Variants in PARD3B observed in about 807,000 individuals in gnomAD.
The protein encoded by PARD3B is par-3 family cell polarity regulator beta, also known as partitioning defective 3 homolog B.
PARD3B carries 103 observed loss-of-function variants against 130.2 expected under a neutral mutation model. That is an observed-to-expected ratio of 0.79 (90% CI 0.67 to 0.93). The LOEUF is 0.93. PARD3B is among the 40% of genes least tolerant of loss of function. The pLI is 0.00. For synonymous variants in PARD3B, 583 were observed against 553.2 expected, an observed-to-expected ratio of 1.05 and a Z score of -0.76; for missense variants, 1,609 against 1,499.2, an observed-to-expected ratio of 1.07 and a Z score of -1.21.
chr2:205,527,943 C>A, intron 21 of PARD3B, among the ~76,000 whole-genome samples: 1 of 152,140 alleles, frequency 6.6e-6, no homozygotes, highest in East Asian at 1.9e-4. Context: ...CATGATGCAT[C>A]AGAGATGGAT....
intron 2 of PARD3B, among the ~76,000 whole-genome samples, chr2:204,931,260 C>G (rs1688009878): frequency 1.3e-5 from 2 of 152,100 alleles, no homozygotes. Flanking sequence ...AATTTCTTCA[C>G]CATTTTAAGG....
chr2:205,552,314 G>GT (rs202064144), intron 21 of PARD3B, among the ~76,000 whole-genome samples: 89 of 117,898 alleles, frequency 7.5e-4, no homozygotes, highest in Admixed American at 3.0e-3. Context: ...GGTGGTCGGG[G>GT]GGCATCATGG....
At chr2:205,559,163 G>A (rs1033008760) in intron 22 of PARD3B, among the ~76,000 whole-genome samples, 19 of 152,152 alleles carry the variant, frequency 1.2e-4, no homozygotes, top group African/African-American at 4.6e-4. Context: ...AAGTGTTGCT[G>A]GATGGTCTGA....
chr2:204,619,360 C>G (rs894771562), intron 1 of PARD3B, among the ~76,000 whole-genome samples: 1 of 152,168 alleles, frequency 6.6e-6, no homozygotes, highest in African/African-American at 2.4e-5. Context: ...GCATACAGAG[C>G]TGTTCTTTCC....
At chr2:205,094,533 C>A (rs998822479) in intron 4 of PARD3B, among the ~76,000 whole-genome samples, 1 of 151,830 alleles carries the variant, frequency 6.6e-6, no homozygotes, top group African/African-American at 2.4e-5. Context: ...TCTAAATGTA[C>A]TACCAAACTA....
chr2:205,583,560 G>A (rs747419772), intron 22 of PARD3B, among the ~76,000 whole-genome samples: 1 of 152,156 alleles, frequency 6.6e-6, no homozygotes, highest in East Asian at 1.9e-4. Context: ...TTCTAAGCAT[G>A]TTATGTGTAT....
chr2:205,432,074 G>A (rs1363734453), intron 19 of PARD3B, among the ~76,000 whole-genome samples: 2 of 152,106 alleles, frequency 1.3e-5, no homozygotes, highest in African/African-American at 4.8e-5. Flanking sequence ...GGGCTCTTGT[G>A]TGTTGCAAAC....
intron 21 of PARD3B, among the ~76,000 whole-genome samples, chr2:205,520,263 G>T (rs978986860): frequency 6.6e-6 from 1 of 152,200 alleles, no homozygotes; most frequent in African/African-American, 2.4e-5. Context: ...CCAAGCCAGG[G>T]ATTCCTTGTC....
intron 1 of PARD3B, among the ~76,000 whole-genome samples, chr2:204,639,306 A>G (rs2034993359): frequency 6.6e-6 from 1 of 152,210 alleles, no homozygotes; most frequent in Non-Finnish European, 1.5e-5. Flanking sequence ...AATTTCTGGA[A>G]CAAAATTTCT....
At chr2:204,804,778 A>C (rs1325982265) in intron 2 of PARD3B, among the ~76,000 whole-genome samples, 3 of 152,294 alleles carry the variant, frequency 2.0e-5, no homozygotes, top group Admixed American at 6.5e-5. Flanking sequence ...AAATAATATC[A>C]AGCATGTTCT....
chr2:205,300,622 A>G lies in PARD3B; in HGVS notation c.2278A>G (p.Asn760Asp). 6.2e-7 allele frequency: 1 copy of G among 1,613,916 alleles called. No homozygotes were observed. Among genetic ancestry groups the G allele is most frequent in the African/African-American group, 1.3e-5 (1 of 75,046 alleles). Residue 760 changes from asparagine (N) to aspartate (D), a missense_variant, in exon 17 of 23, where the codon AAT becomes GAT. Asn to Asp is a conservative substitution (Grantham distance 23). Transcript: ENST00000406610. This position sits in a 1 kb window ranked among gnomAD's most constrained non-coding sequence, Gnocchi z 4.1. Reference sequence around the variant, plus strand: ...GACTGCAGTGGCCGAGGTCAGGAAGAATGACCTTCCCTTTCACAGGCCCCG... The same window carrying G: ...GACTGCAGTGGCCGAGGTCAGGAAGGATGACCTTCCCTTTCACAGGCCCCG... ...LQTAVAEVRK[N>D]DLPFHRPRPH...
chr2:205,217,894 A>ATATTTTTTTT (rs1559553191), intron 15 of PARD3B, among the ~76,000 whole-genome samples: 1 of 31,074 alleles, frequency 3.2e-5, no homozygotes, highest in Non-Finnish European at 5.8e-5. Flanking sequence ...ATATATATAT[A>ATATTTTTTTT]TTTTTTTTTT....
chr2:205,038,749 C>G (rs776072921), intron 3 of PARD3B, among the ~76,000 whole-genome samples: 2 of 152,148 alleles, frequency 1.3e-5, no homozygotes, highest in Admixed American at 6.6e-5. Flanking sequence ...GAATTACTTG[C>G]ATTTGTCCAT....
At chr2:205,216,828 C>G (rs1032725197) in intron 15 of PARD3B, among the ~76,000 whole-genome samples, 12 of 152,080 alleles carry the variant, frequency 7.9e-5, no homozygotes, top group Non-Finnish European at 1.5e-5. Context: ...TTGTTGTAAG[C>G]AGGAGTTCAT....
intron 19 of PARD3B, among the ~76,000 whole-genome samples, chr2:205,425,497 C>T (rs943022697): frequency 2.0e-5 from 3 of 148,264 alleles, no homozygotes; most frequent in South Asian, 2.2e-4. Flanking sequence ...AAATGCAACT[C>T]GTAGGTAGGA....
intron 3 of PARD3B, among the ~76,000 whole-genome samples, chr2:204,971,504 C>T (rs1157974152): frequency 6.6e-6 from 1 of 152,198 alleles, no homozygotes; most frequent in African/African-American, 2.4e-5. Flanking sequence ...TCATAAGTTA[C>T]AATTTGGTCA....
rs2030623172 is a variant in PARD3B, at chr2:204,553,508, C to G, written c.120+7389C>G. On this transcript the variant is annotated intron_variant, in intron 1 of 22. Transcript: ENST00000406610. ...GCGTGGAACCAACCCAAATGCCCAC[C>G]AGTCAACGAGTGGGTAAAGAATCTG... Among the ~76,000 whole-genome samples the G allele has an allele frequency of 2.7e-5, 4 of 149,270 alleles. No homozygotes were observed. The South Asian group carries it at 8.4e-4, about 32-fold the overall frequency.
intron 3 of PARD3B, among the ~76,000 whole-genome samples, chr2:204,968,468 C>T (rs1038331355): frequency 3.9e-5 from 6 of 152,114 alleles, no homozygotes; most frequent in African/African-American, 1.4e-4. Context: ...ATTCATATTC[C>T]CAGGCCCTTC....
At chr2:205,226,081 A>C (rs2038525256) in intron 15 of PARD3B, among the ~76,000 whole-genome samples, 1 of 152,262 alleles carries the variant, frequency 6.6e-6, no homozygotes, top group South Asian at 2.1e-4. Flanking sequence ...TCGTTGTGTC[A>C]CCCAGGCCAG....
Sources: allele counts gnomAD v4.1 joint callset (sites outside exome capture counted in the v4.1 genomes callset), GRCh38; gene constraint gnomAD v4.1.1; non-coding constraint Gnocchi (gnomAD v3.1); transcripts MANE v1.5; gene names NCBI Gene and HGNC (gene_info 2026-07-23, HGNC 2026-07-21).